The following HMGN3 variants were observed in gnomAD, a reference collection of about 807,000 sequenced individuals.
HMGN3 encodes high mobility group nucleosome-binding domain-containing protein 3.
Under a neutral mutation model 18.8 loss-of-function variants are expected in HMGN3, and 6 were observed. The ratio of observed to expected loss-of-function variants is 0.32; its 90% confidence interval spans 0.18 to 0.63. The LOEUF is 0.63. HMGN3 is among the 30% of genes least tolerant of loss of function. HMGN3 has a pLI of 0.79. For missense variants in HMGN3, 107 were observed against 114.2 expected (o/e 0.94, Z 0.29); for synonymous variants, 40 against 36.5 (o/e 1.10, Z -0.35).
chr6:79,206,211 G>A lies in HMGN3; in HGVS notation c.96+2336C>T, dbSNP rs549685183. Among the ~76,000 whole-genome samples, 6 of 152,290 alleles carry A rather than the reference G, an allele frequency of 3.9e-5. No homozygotes were observed. The East Asian group carries it at 1.2e-3, about 29-fold the overall frequency. On this transcript the variant is annotated intron_variant, in intron 3 of 5. Coordinates refer to ENST00000344726, the Ensembl canonical transcript of HMGN3. ...AAATTCAATCCGGCTGCAGAAATTTGCATGAGTAATGAGGAGCCAAATGTT... is the reference window on the plus strand; with the variant it reads ...AAATTCAATCCGGCTGCAGAAATTTACATGAGTAATGAGGAGCCAAATGTT...
chr6:79,202,207 C>T (rs772743418), intron 5 of HMGN3, 52 bp from the exon 6 acceptor site: 48 of 1,611,388 alleles, frequency 3.0e-5, no homozygotes, highest in South Asian at 1.1e-4. Context: ...GTGCTATCAC[C>T]GGCTGAAGGA....
intron 3 of HMGN3, among the ~76,000 whole-genome samples, chr6:79,207,738 G>A (rs1776489762): frequency 6.6e-6 from 1 of 152,114 alleles, no homozygotes; most frequent in Non-Finnish European, 1.5e-5. Context: ...GATTTGGGTT[G>A]AGAATGAAAT....
intron 1 of HMGN3, 156 bp downstream of exon 1, chr6:79,234,390 A>T: frequency 1.6e-6 from 1 of 628,348 alleles, no homozygotes; most frequent in South Asian, 1.9e-5. Context: ...AGAGAGAGGA[A>T]CGTCTGCAAC....
chr6:79,220,451 T>C (rs1777216533), intron 1 of HMGN3, among the ~76,000 whole-genome samples: 1 of 152,168 alleles, frequency 6.6e-6, no homozygotes, highest in Non-Finnish European at 1.5e-5. Context: ...ACAAATTGCC[T>C]TTTTTGTTTT....
intron 2 of HMGN3, among the ~76,000 whole-genome samples, chr6:79,211,012 A>C (rs1328777736): frequency 1.8e-4 from 1 of 5,584 alleles, no homozygotes; most frequent in Non-Finnish European, 8.9e-4. Flanking sequence ...AAATTAATGC[A>C]AAAAAAAAAA....
At chr6:79,202,084 C>T in intron 5 of HMGN3, 1 of 1,538,422 alleles carries the variant, frequency 6.5e-7, no homozygotes, top group Non-Finnish European at 8.7e-7. Flanking sequence ...CAATCTGCCC[C>T]TTTACTGACA....
chr6:79,201,966 G>A, intron 5 of HMGN3, 97 bp downstream of exon 6: 1 of 1,456,374 alleles, frequency 6.9e-7, no homozygotes, highest in Admixed American at 2.8e-5. Flanking sequence ...TTACCTGCAA[G>A]CTCCCACTCT....
chr6:79,208,670 T>C, intron 2 of HMGN3, 94 bp from the exon 3 acceptor site: 1 of 955,336 alleles, frequency 1.0e-6, no homozygotes, highest in East Asian at 2.4e-5. Flanking sequence ...CCTTACTTTG[T>C]TGAATGACTA....
intron 1 of HMGN3, among the ~76,000 whole-genome samples, chr6:79,220,456 TG>T (rs1777217347): frequency 6.6e-6 from 1 of 152,200 alleles, no homozygotes; most frequent in Non-Finnish European, 1.5e-5. Flanking sequence ...TTGCCTTTTT[TG>T]TTTTTTTGAG....
At chr6:79,210,146 C>T (rs923448961) in intron 2 of HMGN3, among the ~76,000 whole-genome samples, 1 of 152,158 alleles carries the variant, frequency 6.6e-6, no homozygotes, top group African/African-American at 2.4e-5. Flanking sequence ...AATCCAAATC[C>T]TGCAATACCT....
chr6:79,224,368 T>C (rs1256437288), intron 1 of HMGN3, among the ~76,000 whole-genome samples: 1 of 152,200 alleles, frequency 6.6e-6, no homozygotes, highest in Non-Finnish European at 1.5e-5. Flanking sequence ...TGCTTTAACC[T>C]GTAGCCCTAG....
At chr6:79,202,861 C>A (rs1015500856) in intron 4 of HMGN3, among the ~76,000 whole-genome samples, 3 of 151,990 alleles carry the variant, frequency 2.0e-5, no homozygotes, top group Admixed American at 6.6e-5. Flanking sequence ...GAAATGAAGC[C>A]CAGATGAAGA....
At chr6:79,218,370 G>A (rs548911893) in intron 1 of HMGN3, among the ~76,000 whole-genome samples, 2 of 152,200 alleles carry the variant, frequency 1.3e-5, no homozygotes, top group Non-Finnish European at 2.9e-5. Context: ...ATAAAAGGAT[G>A]TTGAAAAAAT....
In HMGN3 at chr6:79,202,208, G is replaced by A. The variant is rs115704003; in HGVS notation, c.261+68C>T. On this transcript the variant is annotated intron_variant, in intron 5 of 5. Coordinates refer to ENST00000344726, the Ensembl canonical transcript of HMGN3. ...GAGACATTAAGAACGTGCTATCACC[G>A]GCTGAAGGATTGAGAAATTTCTTTA... 1.6e-3 allele frequency: 2,551 copies of A among 1,611,552 alleles called. 38 individuals are homozygous for A. In the African/African-American group the frequency reaches 0.03, roughly 19 times the overall value.
rs1582404198 is a variant in HMGN3 at position 79,207,324 on chromosome 6, G to A, written c.96+1223C>T. 2.0e-5 allele frequency among the ~76,000 whole-genome samples: 3 copies of A among 152,148 alleles called. No homozygotes were observed. In the East Asian group the frequency reaches 5.8e-4, roughly 29 times the overall value. On this transcript the variant is annotated intron_variant, in intron 3 of 5. Coordinates refer to ENST00000344726, the Ensembl canonical transcript of HMGN3. ...CCATGTGTCATGGGAGGAACCTGGT[G>A]GGATGTGATTGAATTATGGGGCGGG...
chr6:79,222,903 C>T (rs1777373976), intron 1 of HMGN3, among the ~76,000 whole-genome samples: 1 of 152,138 alleles, frequency 6.6e-6, no homozygotes, highest in South Asian at 2.1e-4. Context: ...CTTTAGAAGA[C>T]TTTGAACTGA....
chr6:79,223,438 G>A (rs1777405210), intron 1 of HMGN3, among the ~76,000 whole-genome samples: 1 of 152,168 alleles, frequency 6.6e-6, no homozygotes, highest in South Asian at 2.1e-4. Flanking sequence ...TTGAACCTGG[G>A]AGGCAGAGGT....
At chr6:79,226,901 A>G (rs1181648770) in intron 1 of HMGN3, among the ~76,000 whole-genome samples, 1 of 152,224 alleles carries the variant, frequency 6.6e-6, no homozygotes, top group East Asian at 1.9e-4. Flanking sequence ...AGCTTGACCA[A>G]GAACCCCTAC....
At chr6:79,220,217 C>G (rs189975659) in intron 1 of HMGN3, among the ~76,000 whole-genome samples, 1 of 152,114 alleles carries the variant, frequency 6.6e-6, no homozygotes. Flanking sequence ...AATGTAAGAA[C>G]AGAAATAGGA....
Sources: allele counts gnomAD v4.1 joint callset (sites outside exome capture counted in the v4.1 genomes callset), GRCh38; gene constraint gnomAD v4.1.1; transcripts MANE v1.5; gene names NCBI Gene and HGNC (gene_info 2026-07-23, HGNC 2026-07-21).